The following KAZN variants were observed in gnomAD, a reference collection of about 807,000 sequenced individuals.
KAZN encodes kazrin, periplakin interacting protein, also known as kazrin.
KAZN carries 40 observed loss-of-function variants against 87.4 expected under a neutral mutation model. That is an observed-to-expected ratio of 0.46 (90% CI 0.36 to 0.60). The LOEUF (loss-of-function observed/expected upper bound fraction) is 0.60, where lower values mean the gene tolerates loss of function less well. KAZN is among the 20% of genes least tolerant of loss of function. The pLI, the probability that KAZN is intolerant of heterozygous loss-of-function variation, is 0.00. For synonymous variants in KAZN, 466 were observed against 458.3 expected (o/e 1.02, Z -0.22); for missense variants, 898 against 1,073.9 (o/e 0.84, Z 2.29).
intron 2 of KAZN, among the ~76,000 whole-genome samples, chr1:14,557,121 A>C (rs1001946576): frequency 6.6e-6 from 1 of 152,238 alleles, no homozygotes; most frequent in Non-Finnish European, 1.5e-5. Context: ...AAAAGCAGAA[A>C]TAACGTGGGC....
chr1:14,382,861 G>A (rs1661497771), intron 2 of KAZN, among the ~76,000 whole-genome samples: 2 of 152,036 alleles, frequency 1.3e-5, no homozygotes, highest in South Asian at 2.1e-4. Flanking sequence ...GTCAAATGGT[G>A]TTTCTAGTTC....
At position 14,737,151 on chromosome 1, in the gene KAZN, A is replaced by C. The variant is rs116795783; in HGVS notation, c.226+137928A>C. ...CACTGAGGAGGTAACATTTGAGCAG[A>C]GATGTGAAGGAGATCAACGAGAGCA... On this transcript the variant is annotated intron_variant, in intron 1 of 14. Coordinates refer to ENST00000376030, the MANE Select transcript of KAZN (RefSeq NM_201628.3). Among the ~76,000 whole-genome samples the C allele has an allele frequency of 2.2e-3, 341 of 152,284 alleles. 1 individual carries two copies. Among genetic ancestry groups the C allele is most frequent in the African/African-American group, 8.0e-3 (331 of 41,546 alleles).
At chr1:15,024,089 G>T (rs190625227) in intron 2 of KAZN, among the ~76,000 whole-genome samples, 52 of 152,198 alleles carry the variant, frequency 3.4e-4, no homozygotes, top group African/African-American at 1.1e-3. Context: ...GGATGCTCTG[G>T]GCTCTGGGTC....
intron 1 of KAZN, among the ~76,000 whole-genome samples, chr1:14,744,097 G>T (rs1644194249): frequency 6.6e-6 from 1 of 152,154 alleles, no homozygotes; most frequent in Admixed American, 6.5e-5. Context: ...GACGGTCAAG[G>T]CTGGCTTTAT....
intron 1 of KAZN, among the ~76,000 whole-genome samples, chr1:13,985,961 T>C (rs907458090): frequency 1.3e-5 from 2 of 152,252 alleles, no homozygotes; most frequent in Non-Finnish European, 2.9e-5. Flanking sequence ...TACTTTTGGC[T>C]ATTACGAATA....
At chr1:14,096,770 G>T (rs964956820) in intron 1 of KAZN, among the ~76,000 whole-genome samples, 5 of 152,176 alleles carry the variant, frequency 3.3e-5, no homozygotes, top group African/African-American at 1.2e-4. Context: ...ATTGCCTGGG[G>T]AGTTTGTTCA....
chr1:14,596,538 T>C (rs77152657), upstream of KAZN, among the ~76,000 whole-genome samples: 600 of 152,356 alleles, frequency 3.9e-3, 24 homozygotes, highest in East Asian at 0.072. Context: ...CACCTCTGTC[T>C]AGTTCTAAAA....
intron 1 of KAZN, among the ~76,000 whole-genome samples, chr1:14,866,504 G>A (rs538348424): frequency 6.6e-6 from 1 of 152,214 alleles, no homozygotes; most frequent in African/African-American, 2.4e-5. Flanking sequence ...CAAGGCAGGA[G>A]GAGTGTTTGA....
chr1:14,803,060 G>A (rs911966345), intron 1 of KAZN, among the ~76,000 whole-genome samples: 4 of 152,178 alleles, frequency 2.6e-5, no homozygotes, highest in African/African-American at 9.7e-5. Context: ...ATGCAAATGT[G>A]ATTTAAAAGA....
intron 1 of KAZN, among the ~76,000 whole-genome samples, chr1:14,869,237 C>T (rs1446490799): frequency 6.6e-6 from 1 of 151,264 alleles, no homozygotes; most frequent in Non-Finnish European, 1.5e-5. Flanking sequence ...TTCCCTTTTG[C>T]ACAGTCTCAA....
chr1:14,944,526 C>G (rs9663010), intron 1 of KAZN, among the ~76,000 whole-genome samples: 59,135 of 152,026 alleles, frequency 0.39, 13,079 homozygotes, highest in African/African-American at 0.6. Context: ...TAGGGGGACA[C>G]GAATGAACTG....
intron 1 of KAZN, among the ~76,000 whole-genome samples, chr1:14,928,055 C>T (rs1659359832): frequency 6.6e-6 from 1 of 152,116 alleles, no homozygotes; most frequent in African/African-American, 2.4e-5. Flanking sequence ...AGTTCAGTAA[C>T]TGCCCAAAGC....
intron 2 of KAZN, among the ~76,000 whole-genome samples, chr1:14,182,526 A>G (rs1390949319): frequency 6.6e-6 from 1 of 152,158 alleles, no homozygotes; most frequent in Non-Finnish European, 1.5e-5. Context: ...TCCTTGCTGA[A>G]GTCAATTGGG....
In KAZN at chr1:15,015,800, A is replaced by G. The variant is rs144715035; in HGVS notation, c.419-18949A>G. Among the ~76,000 whole-genome samples, 905 of 152,074 alleles carry G rather than the reference A, an allele frequency of 6.0e-3. 12 individuals carry two copies. The highest frequency in any genetic ancestry group is 0.019 in the African/African-American group (794 of 41,466). ...CCATTGCCTCGTCTTTGCTGCTGCTATCCCACTCCAAGCCACTGTCTTGCT... is the reference window on the plus strand; with the variant it reads ...CCATTGCCTCGTCTTTGCTGCTGCTGTCCCACTCCAAGCCACTGTCTTGCT... On this transcript the variant is annotated intron_variant, in intron 2 of 14. Transcript: ENST00000376030.
At chr1:14,550,725 C>A (rs1378180731) in intron 2 of KAZN, among the ~76,000 whole-genome samples, 1 of 83,928 alleles carries the variant, frequency 1.2e-5, no homozygotes, top group African/African-American at 3.6e-5. Flanking sequence ...CTCTCTCTCT[C>A]TCTCTCTCTC....
chr1:14,545,622 G>A (rs1490565543), intron 2 of KAZN, among the ~76,000 whole-genome samples: 1 of 152,138 alleles, frequency 6.6e-6, no homozygotes, highest in Admixed American at 6.5e-5. Flanking sequence ...TGTCCGTATA[G>A]GCTAGGATAT....
chr1:13,904,405 A>T (rs185013540), intron 1 of KAZN, among the ~76,000 whole-genome samples: 29 of 152,300 alleles, frequency 1.9e-4, no homozygotes, highest in Admixed American at 1.2e-3. Flanking sequence ...GGATCAGGCC[A>T]GTCACAGCTG....
chr1:14,376,379 C>T (rs1162637416), intron 2 of KAZN, among the ~76,000 whole-genome samples: 1 of 152,082 alleles, frequency 6.6e-6, no homozygotes, highest in Non-Finnish European at 1.5e-5. Flanking sequence ...GGTCTTCCCT[C>T]ATAAATGGAT....
chr1:14,905,965 G>A (rs184844559), intron 1 of KAZN, among the ~76,000 whole-genome samples: 44 of 150,788 alleles, frequency 2.9e-4, no homozygotes, highest in African/African-American at 6.6e-4. Flanking sequence ...TCAGGAGATC[G>A]AGGCCATCCT....
Sources: gnomAD v4.1 joint callset for allele counts (sites outside exome capture counted in the v4.1 genomes callset) on GRCh38, gnomAD v4.1.1 for gene constraint, MANE v1.5 for transcripts, NCBI Gene and HGNC (gene_info 2026-07-23, HGNC 2026-07-21) for gene names.